Variants in SCP2 observed in about 807,000 individuals in gnomAD.
SCP2 encodes sterol carrier protein 2.
A neutral mutation model predicts 71.4 loss-of-function variants in SCP2; 48 were observed. That is an observed-to-expected ratio of 0.67 (90% CI 0.53 to 0.86). The LOEUF (loss-of-function observed/expected upper bound fraction) is 0.86. Ranked by LOEUF, SCP2 falls within the 40% of genes least tolerant of loss-of-function variation. The pLI, the probability that SCP2 is intolerant of heterozygous loss-of-function variation, is 0.00. For missense variants in SCP2, 560 were observed against 655.6 expected (o/e 0.85, Z 1.59); for synonymous variants, 220 against 218.1 (o/e 1.01, Z -0.08).
At chr1:53,034,792 T>C (rs1238755115) in intron 13 of SCP2, among the ~76,000 whole-genome samples, 1 of 152,142 alleles carries the variant, frequency 6.6e-6, no homozygotes, top group South Asian at 2.1e-4. Context: ...TTGTAAACAC[T>C]TAAGTCTTTC....
At chr1:52,941,000 C>T (rs1346046265) in intron 1 of SCP2, among the ~76,000 whole-genome samples, 3 of 152,166 alleles carry the variant, frequency 2.0e-5, no homozygotes, top group Non-Finnish European at 1.5e-5. Flanking sequence ...CCTCCCGCCT[C>T]GGCCTCCCAA....
chr1:53,004,309 A>G (rs927593723), intron 11 of SCP2, among the ~76,000 whole-genome samples: 1 of 152,236 alleles, frequency 6.6e-6, no homozygotes, highest in Non-Finnish European at 1.5e-5. Flanking sequence ...AAGTGAAACC[A>G]TGGATGTGAG....
chr1:52,997,848 AG>A (rs1368789438), intron 11 of SCP2, among the ~76,000 whole-genome samples: 2 of 152,258 alleles, frequency 1.3e-5, no homozygotes, highest in Non-Finnish European at 2.9e-5. Flanking sequence ...TACCCCCAAA[AG>A]TTCTAGCCTG....
chr1:52,983,242 C>T (rs924156401), intron 10 of SCP2, among the ~76,000 whole-genome samples: 1 of 152,196 alleles, frequency 6.6e-6, no homozygotes, highest in African/African-American at 2.4e-5. Context: ...GGCCATTTTT[C>T]TCTAGCTATT....
intron 2 of SCP2, chr1:52,943,522 C>T (rs1295102510): frequency 4.2e-6 from 1 of 235,994 alleles, no homozygotes; most frequent in East Asian, 1.4e-4. Context: ...GCACCCCGCC[C>T]ATAGTGGGTT....
chr1:52,934,404 T>A (rs1474307957), intron 1 of SCP2, among the ~76,000 whole-genome samples: 1 of 151,846 alleles, frequency 6.6e-6, no homozygotes, highest in East Asian at 1.9e-4. Context: ...AAGGGCCGTA[T>A]AACTCATGGA....
At chr1:52,990,884 T>C (rs1659438966) in intron 11 of SCP2, among the ~76,000 whole-genome samples, 1 of 152,136 alleles carries the variant, frequency 6.6e-6, no homozygotes, top group Non-Finnish European at 1.5e-5. Flanking sequence ...AGATAAAGAA[T>C]GAAAAGTGTC....
At position 53,020,034 on chromosome 1, in the gene SCP2, A is replaced by G. The variant is rs149668477; in HGVS notation, c.1235+4991A>G. 6.2e-3 allele frequency among the ~76,000 whole-genome samples: 949 copies of G among 152,138 alleles called. 16 individuals are homozygous for G. Among genetic ancestry groups the G allele is most frequent in the African/African-American group, 0.022 (911 of 41,514 alleles). On this transcript the variant is annotated intron_variant, in intron 12 of 15. Transcript: ENST00000371514. Reference sequence around the variant, plus strand: ...CCTGAGTAGCTGGGATTACAGGTGCATGCCACCATGCCTGGCTAATTTTTG... The same window carrying G: ...CCTGAGTAGCTGGGATTACAGGTGCGTGCCACCATGCCTGGCTAATTTTTG...
At chr1:53,012,511 G>A (rs933043786) in intron 11 of SCP2, among the ~76,000 whole-genome samples, 13 of 152,344 alleles carry the variant, frequency 8.5e-5, no homozygotes, top group South Asian at 2.1e-4. Flanking sequence ...GGGCCAAGGA[G>A]CATTTGCTCC....
intron 11 of SCP2, among the ~76,000 whole-genome samples, chr1:53,010,874 A>G (rs560374313): frequency 9.5e-4 from 145 of 152,186 alleles, no homozygotes; most frequent in African/African-American, 3.2e-3. Flanking sequence ...TAACTCCACC[A>G]TCTCTCCCAA....
At chr1:53,032,826 T>A (rs1662650405) in intron 13 of SCP2, among the ~76,000 whole-genome samples, 1 of 152,212 alleles carries the variant, frequency 6.6e-6, no homozygotes, top group South Asian at 2.1e-4. Context: ...TTTTTCTGCT[T>A]AATGAGCTAA....
chr1:52,967,192 A>G (rs994684355), intron 6 of SCP2, among the ~76,000 whole-genome samples: 3 of 151,776 alleles, frequency 2.0e-5, no homozygotes, highest in Admixed American at 2.0e-4. Flanking sequence ...TCCTCAATTA[A>G]AAAAAAAGAA....
At chr1:53,013,988 C>T (rs1466494023) in intron 11 of SCP2, among the ~76,000 whole-genome samples, 2 of 148,160 alleles carry the variant, frequency 1.3e-5, no homozygotes, top group Non-Finnish European at 3.0e-5. Context: ...CTCTGCCTCC[C>T]GGGTTCACGC....
intron 6 of SCP2, among the ~76,000 whole-genome samples, chr1:52,964,244 C>T (rs568134608): frequency 9.1e-5 from 13 of 142,876 alleles, no homozygotes; most frequent in East Asian, 2.0e-4. Flanking sequence ...GACAGAGTCT[C>T]GCTCTGGAGT....
Position 52,961,607 on chromosome 1 carries a change from A to G in SCP2, c.501A>G (p.Gly167=). ...CTCCTCAGATGTTTGGGTATGCTGG[A>G]AAAGAACATATGGAAAAATATGGTA... ...PVAPQMFGYA[G]KEHMEKYGTK... Residue 167 remains glycine (G), a synonymous_variant, in exon 6 of 16, where the codon GGA becomes GGG. Coordinates refer to ENST00000371514, the MANE Select transcript of SCP2 (RefSeq NM_002979.5). 1 of 1,613,842 alleles carries G rather than the reference A, an allele frequency of 6.2e-7. No individual in the cohort carries two copies.
At chr1:52,961,426 C>A (rs1490861569) in intron 5 of SCP2, 77 bp from the exon 6 acceptor site, 2 of 1,437,812 alleles carry the variant, frequency 1.4e-6, no homozygotes, top group Non-Finnish European at 2.0e-6. Flanking sequence ...AAATAAATAT[C>A]TTAATAGCAC....
chr1:52,930,626 C>T (rs1572034572), intron 1 of SCP2, among the ~76,000 whole-genome samples: 1 of 150,236 alleles, frequency 6.7e-6, no homozygotes, highest in Non-Finnish European at 1.5e-5. Context: ...GACTCTGTCT[C>T]AAAAAAAAAG....
At position 52,928,158 on chromosome 1, in the gene SCP2, C is replaced by T. The variant is rs548170027; in HGVS notation, c.69+693C>T. Among the ~76,000 whole-genome samples, 66 of 152,348 alleles carry T rather than the reference C, an allele frequency of 4.3e-4. 1 individual carries two copies. The Middle Eastern group carries it at 0.014, about 31-fold the overall frequency. On this transcript the variant is annotated intron_variant, in intron 1 of 15. Coordinates refer to ENST00000371514, the MANE Select transcript of SCP2 (RefSeq NM_002979.5). ...GGATCTTCTCCAGGACGCCTCGGAT[C>T]CTCCTGACTTTCCCCTAGAGCCTTG...
At position 52,976,169 on chromosome 1, in the gene SCP2, C is replaced by T. The variant is rs576056625; in HGVS notation, c.588-514C>T. On this transcript the variant is annotated intron_variant, in intron 7 of 15. Transcript: ENST00000371514. ...CATCCTCCGGATACATCAAGACGTT[C>T]ACCAATCAGGAAGCCCCGCTGAACA... 1.3e-3 allele frequency among the ~76,000 whole-genome samples: 200 copies of T among 152,290 alleles called. 1 individual carries two copies. The highest frequency in any genetic ancestry group is 6.8e-3 in the Middle Eastern group (2 of 294).
Sources: allele counts gnomAD v4.1 joint callset (sites outside exome capture counted in the v4.1 genomes callset), GRCh38; gene constraint gnomAD v4.1.1; transcripts MANE v1.5; gene names NCBI Gene and HGNC (gene_info 2026-07-23, HGNC 2026-07-21).